The following PPME1 variants were observed in gnomAD, a reference collection of about 807,000 sequenced individuals.
PPME1 encodes the protein testicular secretory protein Li 39.
Under a neutral mutation model 56.9 loss-of-function variants are expected in PPME1, and 17 were observed. The observed-to-expected ratio is 0.30, with a 90% CI of 0.20 to 0.45. The LOEUF (loss-of-function observed/expected upper bound fraction) is 0.45. Among genes scored for constraint, PPME1 ranks in the 20% least tolerant of loss-of-function variants. PPME1 has a pLI of 1.00. For missense variants in PPME1, 357 were observed against 483.2 expected (o/e 0.74, Z 2.45); for synonymous variants, 122 against 156.2 (o/e 0.78, Z 1.63).
At chr11:74,177,973 CACATTAGCAACATTATATTGATGTG>C (rs1337294567) in intron 1 of PPME1, among the ~76,000 whole-genome samples, 1 of 152,212 alleles carries the variant, frequency 6.6e-6, no homozygotes, top group Non-Finnish European at 1.5e-5. Flanking sequence ...TCCCCAAACT[CACATTAGCAACATTATATTGATGTG>C]AAACAATCTA....
At chr11:74,225,876 A>G (rs1858921479) in intron 5 of PPME1, among the ~76,000 whole-genome samples, 1 of 152,016 alleles carries the variant, frequency 6.6e-6, no homozygotes, top group Non-Finnish European at 1.5e-5. Context: ...CTGTGTAGGA[A>G]TCTGATGGAG....
intron 3 of PPME1, among the ~76,000 whole-genome samples, chr11:74,215,163 C>T (rs890534555): frequency 5.9e-5 from 9 of 152,146 alleles, no homozygotes; most frequent in African/African-American, 1.4e-4. Context: ...CTGGACAACA[C>T]GGTGAGACCA....
At chr11:74,241,155 A>G (rs937631670) in intron 9 of PPME1, among the ~76,000 whole-genome samples, 6 of 152,146 alleles carry the variant, frequency 3.9e-5, no homozygotes, top group South Asian at 2.1e-4. Context: ...TTTCTCCCCA[A>G]CCCTCCCAGC....
intron 3 of PPME1, among the ~76,000 whole-genome samples, chr11:74,209,162 A>G (rs1858406096): frequency 6.6e-6 from 1 of 152,176 alleles, no homozygotes; most frequent in South Asian, 2.1e-4. Flanking sequence ...GCTGGAGTAC[A>G]GTGATGCAAT....
Position 74,204,336 on chromosome 11 carries a change from T to C in PPME1, c.196-17T>C. The C allele has an allele frequency of 1.3e-6, 2 of 1,586,466 alleles. No individual in the cohort carries two copies. Among genetic ancestry groups the C allele is most frequent in the Non-Finnish European group, 1.7e-6 (2 of 1,156,794 alleles). ...AGTGAGCAAAAACATAGATGTTTTA[T>C]CTTTAACTATTCATACACTTTTCGA... On this transcript the variant is annotated splice_polypyrimidine_tract_variant and intron_variant, in intron 2 of 13. Coordinates refer to ENST00000328257, the MANE Select transcript of PPME1 (RefSeq NM_016147.3).
At chr11:74,210,181 G>T (rs1192589836) in intron 3 of PPME1, among the ~76,000 whole-genome samples, 1 of 152,178 alleles carries the variant, frequency 6.6e-6, no homozygotes, top group Non-Finnish European at 1.5e-5. Context: ...TTTGTTCAAG[G>T]AATGCAAGAA....
At chr11:74,185,650 CTT>C (rs765518776) in intron 1 of PPME1, among the ~76,000 whole-genome samples, 83 of 123,648 alleles carry the variant, frequency 6.7e-4, no homozygotes, top group African/African-American at 1.4e-3. Context: ...GTCATTATAT[CTT>C]TTTTTTTTTT....
chr11:74,252,581 T>C (rs985014362), intron 13 of PPME1: 19 of 453,668 alleles, frequency 4.2e-5, no homozygotes, highest in African/African-American at 3.0e-4. Flanking sequence ...CTCAGCTTTA[T>C]TGACATTTTG....
chr11:74,171,573 G>C, intron 1 of PPME1, 51 bp downstream of exon 1: 1 of 1,546,532 alleles, frequency 6.5e-7, no homozygotes, highest in Admixed American at 2.0e-5. Flanking sequence ...AGCCGTTGGA[G>C]AATGGTATCT....
At position 74,230,824 on chromosome 11, in the gene PPME1, C is replaced by A; in HGVS notation, c.554-88C>A. 9.9e-7 allele frequency: 1 copy of A among 1,010,932 alleles called. No individual in the cohort carries two copies. The highest frequency in any genetic ancestry group is 1.5e-6 in the Non-Finnish European group (1 of 665,820). 62.6% of individuals were successfully genotyped at this position (1,010,932 alleles called of 1,614,324 possible). The stretch of plus-strand genomic sequence containing the variant: ...GAGCATCACTAAATTCTGCTGTCAT[C>A]AAGAGCAGATATATAGTAGTTGACT... On this transcript the variant is annotated intron_variant, in intron 6 of 13. Transcript: ENST00000328257. The surrounding 1 kb of genome is among the most constrained non-coding windows in gnomAD (Gnocchi z 4.9).
intron 11 of PPME1, 150 bp downstream of exon 11, chr11:74,247,273 TA>T: frequency 1.7e-6 from 1 of 588,402 alleles, no homozygotes; most frequent in Non-Finnish European, 3.0e-6. Flanking sequence ...CCTAACACAC[TA>T]TATGATTATG....
chr11:74,231,105 T>C, intron 7 of PPME1, 103 bp downstream of exon 7: 1 of 941,214 alleles, frequency 1.1e-6, no homozygotes, highest in South Asian at 1.5e-5. Flanking sequence ...TCACCCAGGC[T>C]GGAGTGCAGT....
At chr11:74,225,286 C>G in intron 5 of PPME1, 30 bp downstream of exon 5, 1 of 1,442,958 alleles carries the variant, frequency 6.9e-7, no homozygotes, top group African/African-American at 1.4e-5. Flanking sequence ...TTATACATTG[C>G]CTGTCTCCCA....
At chr11:74,182,230 A>G (rs117168018) in intron 1 of PPME1, among the ~76,000 whole-genome samples, 2,590 of 152,326 alleles carry the variant, frequency 0.017, 44 homozygotes, top group Non-Finnish European at 0.024. Flanking sequence ...TGCTAGCCTC[A>G]TAGAATTTTT....
intron 1 of PPME1, among the ~76,000 whole-genome samples, chr11:74,180,620 TCTTGTAATAGG>T (rs554093078): frequency 2.8e-4 from 42 of 152,348 alleles, no homozygotes; most frequent in Admixed American, 2.2e-3. Context: ...TTGTAATAGG[TCTTGTAATAGG>T]CTTGTAATAG....
chr11:74,175,449 C>T (rs1038279846), intron 1 of PPME1, among the ~76,000 whole-genome samples: 5 of 151,930 alleles, frequency 3.3e-5, no homozygotes, highest in East Asian at 1.9e-4. Context: ...TGTGGTGAGC[C>T]GAGATCGCGC....
chr11:74,203,730 C>G lies in PPME1; in HGVS notation c.104C>G (p.Pro35Arg). The G allele has an allele frequency of 1.9e-6, 3 of 1,608,130 alleles. No individual in the cohort carries two copies. Among genetic ancestry groups the G allele is most frequent in the Non-Finnish European group, 2.5e-6 (3 of 1,177,388 alleles). ...SQSGAKMRMG[P>R]GRKRDFSPVP... ...GTCTCTCTCTTTTTTTTCCTCAGCC[C>G]TGGAAGAAAGCGGGACTTTTCCCCT... Residue 35 changes from proline (P) to arginine (R), a missense_variant and splice_region_variant, in exon 2 of 14, where the codon CCT becomes CGT. Around this residue, in one of 2 missense-constraint regions of PPME1, gnomAD observed 175 missense variants for 189.4 expected, o/e 0.92. Transcript: ENST00000328257.
At chr11:74,196,319 T>G (rs898924466) in intron 1 of PPME1, among the ~76,000 whole-genome samples, 2 of 152,234 alleles carry the variant, frequency 1.3e-5, no homozygotes, top group Non-Finnish European at 2.9e-5. Flanking sequence ...TCTAAGAAAT[T>G]GTTGCCTAAC....
chr11:74,172,393 T>A (rs1342464944), intron 1 of PPME1, among the ~76,000 whole-genome samples: 1 of 152,172 alleles, frequency 6.6e-6, no homozygotes, highest in Admixed American at 6.5e-5. Flanking sequence ...TGAATGGAAG[T>A]GCTGCAGTTG....
Sources: allele counts gnomAD v4.1 joint callset (sites outside exome capture counted in the v4.1 genomes callset), GRCh38; gene constraint gnomAD v4.1.1; regional missense constraint gnomAD v4.1.1; non-coding constraint Gnocchi (gnomAD v3.1); transcripts MANE v1.5; gene names NCBI Gene and HGNC (gene_info 2026-07-23, HGNC 2026-07-21).